Variants in RALGAPA2 observed in about 807,000 individuals in gnomAD.
RALGAPA2 encodes the protein ral GTPase-activating protein subunit alpha-2.
RALGAPA2 carries 139 observed loss-of-function variants against 230.4 expected under a neutral mutation model. The ratio of observed to expected loss-of-function variants is 0.60; its 90% CI spans 0.53 to 0.69. The LOEUF (loss-of-function observed/expected upper bound fraction) is 0.69, where lower values mean the gene tolerates loss of function less well. RALGAPA2 is among the 30% of genes least tolerant of loss of function. The pLI is 0.00. For missense variants in RALGAPA2, 2,163 were observed against 2,276.0 expected (o/e 0.95, Z 1.01); for synonymous variants, 847 against 837.8 (o/e 1.01, Z -0.19).
rs566552841 is a variant in RALGAPA2, at chr20:20,568,402, G to A, written c.3156+3056C>T. On this transcript the variant is annotated intron_variant, in intron 23 of 39. Transcript: ENST00000202677. ...AAAAATACTAAAAACAGTTGCTTTGGAATGCACTACATTTTTCTGGCTGTT... is the reference window on the plus strand; with the variant it reads ...AAAAATACTAAAAACAGTTGCTTTGAAATGCACTACATTTTTCTGGCTGTT... 5.3e-5 allele frequency among the ~76,000 whole-genome samples: 8 copies of A among 152,186 alleles called. No homozygotes were observed. The East Asian group carries it at 1.3e-3, about 26-fold the overall frequency.
At chr20:20,625,873 G>T (rs1379682375) in intron 10 of RALGAPA2, among the ~76,000 whole-genome samples, 1 of 152,082 alleles carries the variant, frequency 6.6e-6, no homozygotes, top group Non-Finnish European at 1.5e-5. Context: ...AGCAGATGAG[G>T]GATACCCTGA....
intron 3 of RALGAPA2, among the ~76,000 whole-genome samples, chr20:20,662,281 G>A (rs535440222): frequency 7.3e-5 from 11 of 151,684 alleles, no homozygotes; most frequent in Admixed American, 5.3e-4. Context: ...TCAATTATTT[G>A]TGGATTTTAA....
chr20:20,636,552 G>GTGTGTA (rs754038067), intron 8 of RALGAPA2, among the ~76,000 whole-genome samples: 1 of 151,428 alleles, frequency 6.6e-6, no homozygotes, highest in Non-Finnish European at 1.5e-5. Context: ...GTGTGTGTGT[G>GTGTGTA]TGTGTATGTG....
intron 23 of RALGAPA2, among the ~76,000 whole-genome samples, chr20:20,563,844 T>G (rs1205605220): frequency 6.6e-6 from 1 of 151,442 alleles, no homozygotes; most frequent in Non-Finnish European, 1.5e-5. Flanking sequence ...CACACACACA[T>G]GCACAAAACA....
At chr20:20,702,165 A>C (rs1488049265) in intron 1 of RALGAPA2, among the ~76,000 whole-genome samples, 1 of 152,208 alleles carries the variant, frequency 6.6e-6, no homozygotes, top group African/African-American at 2.4e-5. Context: ...CATTCAGGGC[A>C]AGAGGATGAA....
intron 16 of RALGAPA2, among the ~76,000 whole-genome samples, chr20:20,593,119 G>A (rs1397299838): frequency 1.3e-5 from 2 of 152,176 alleles, no homozygotes; most frequent in African/African-American, 4.8e-5. Flanking sequence ...GTTTTGCCAT[G>A]TTGCCTAGGC....
chr20:20,662,679 G>C (rs2067823029), intron 3 of RALGAPA2, among the ~76,000 whole-genome samples: 1 of 152,068 alleles, frequency 6.6e-6, no homozygotes, highest in African/African-American at 2.4e-5. Flanking sequence ...GTCTTATTAA[G>C]TGCCCATTAT....
chr20:20,448,087 T>C (rs1432552801), intron 37 of RALGAPA2, among the ~76,000 whole-genome samples: 1 of 152,212 alleles, frequency 6.6e-6, no homozygotes, highest in Non-Finnish European at 1.5e-5. Flanking sequence ...AGAACACAAA[T>C]ATAGTCCCTC....
Position 20,637,505 on chromosome 20 carries a change from TG to T in RALGAPA2, c.667-5del. 6 of 1,555,372 alleles carry T rather than the reference TG, an allele frequency of 3.9e-6. No individual in the cohort carries two copies. Among genetic ancestry groups the T allele is most frequent in the Non-Finnish European group, 5.2e-6 (6 of 1,148,878 alleles). On this transcript the variant is annotated splice_polypyrimidine_tract_variant and splice_region_variant and intron_variant, in intron 7 of 39. Transcript: ENST00000202677. ...TCTTCCACTCCAAGCTCGCAGCCTT[TG>T]GATAATATGTGGAAAAGAACATATG...
intron 25 of RALGAPA2, 102 bp downstream of exon 25, chr20:20,536,554 T>A: frequency 7.6e-7 from 1 of 1,316,792 alleles, no homozygotes; most frequent in South Asian, 1.5e-5. Flanking sequence ...ACAGCAAAAC[T>A]TCAGGAATAA....
chr20:20,642,590 T>A (rs990533006), intron 5 of RALGAPA2, among the ~76,000 whole-genome samples: 14 of 152,220 alleles, frequency 9.2e-5, no homozygotes, highest in Admixed American at 7.8e-4. Context: ...AAGTCTCCAA[T>A]TGTTATATGT....
chr20:20,685,536 A>G (rs916279442), intron 1 of RALGAPA2, among the ~76,000 whole-genome samples: 5 of 152,228 alleles, frequency 3.3e-5, no homozygotes, highest in Admixed American at 2.6e-4. Flanking sequence ...GACCTGCCCA[A>G]GGTAACACAG....
At chr20:20,552,110 G>A (rs1723264971) in intron 23 of RALGAPA2, among the ~76,000 whole-genome samples, 1 of 152,128 alleles carries the variant, frequency 6.6e-6, no homozygotes, top group South Asian at 2.1e-4. Context: ...AAACACAAAT[G>A]TTCAAGAAGT....
At chr20:20,419,140 C>A (rs1378700151) in intron 37 of RALGAPA2, among the ~76,000 whole-genome samples, 1 of 152,102 alleles carries the variant, frequency 6.6e-6, no homozygotes, top group Admixed American at 6.5e-5. Context: ...CTGGGATTAC[C>A]TCTGGGGTGT....
chr20:20,512,883 T>G lies in RALGAPA2; in HGVS notation c.4486A>C (p.Ile1496Leu), dbSNP rs1201075023. 1 of 1,613,744 alleles carries G rather than the reference T, an allele frequency of 6.2e-7. No homozygotes were observed. Among genetic ancestry groups the G allele is most frequent in the African/African-American group, 1.3e-5 (1 of 74,908 alleles). Reference protein sequence around the residue: ...APNGRNPSFLISSWHRDTFGP... With the variant: ...APNGRNPSFLLSSWHRDTFGP... ...AATGTGTCACGATGCCAGCTCGAAA[T>G]CAGAAATGAAGGATTTCTTCCATTG... is the stretch of plus-strand genomic sequence containing the variant. The change falls in exon 32 of 40, where the codon ATT (isoleucine) becomes CTT (leucine). Residue 1496 changes from isoleucine to leucine, a missense_variant. Physicochemically the swap from Ile to Leu is conservative, Grantham distance 5. Coordinates refer to ENST00000202677, the MANE Select transcript of RALGAPA2 (RefSeq NM_020343.4).
At chr20:20,610,549 C>T (rs986753056) in intron 14 of RALGAPA2, among the ~76,000 whole-genome samples, 16 of 152,160 alleles carry the variant, frequency 1.1e-4, no homozygotes, top group African/African-American at 3.9e-4. Flanking sequence ...CCATCTTGTC[C>T]TCCCTCACTG....
chr20:20,419,353 C>T (rs1293218668), intron 37 of RALGAPA2, among the ~76,000 whole-genome samples: 3 of 152,104 alleles, frequency 2.0e-5, no homozygotes, highest in African/African-American at 4.8e-5. Context: ...ATCAGAAGGA[C>T]AGAATGAGCT....
chr20:20,528,718 C>T (rs1017773043), intron 27 of RALGAPA2, among the ~76,000 whole-genome samples: 2 of 152,238 alleles, frequency 1.3e-5, no homozygotes, highest in Admixed American at 1.3e-4. Flanking sequence ...GAATGCTCTG[C>T]ACATTCATGG....
At chr20:20,404,481 G>C (rs1448376885) in intron 38 of RALGAPA2, among the ~76,000 whole-genome samples, 1 of 152,150 alleles carries the variant, frequency 6.6e-6, no homozygotes, top group East Asian at 1.9e-4. Flanking sequence ...AAACCACTGA[G>C]TCTTCTAGGA....
Sources: gnomAD v4.1 joint callset for allele counts (sites outside exome capture counted in the v4.1 genomes callset) on GRCh38, gnomAD v4.1.1 for gene constraint, MANE v1.5 for transcripts, NCBI Gene and HGNC (gene_info 2026-07-23, HGNC 2026-07-21) for gene names.